Variants in EIF4E1B observed in about 807,000 individuals in gnomAD.
EIF4E1B encodes the protein eukaryotic translation initiation factor 4E family member 1B.
EIF4E1B carries 22 observed loss-of-function variants against 31.3 expected under a neutral mutation model. The observed-to-expected ratio is 0.70, with a 90% confidence interval of 0.50 to 1.00. The LOEUF (loss-of-function observed/expected upper bound fraction) is 1.00, where lower values mean the gene tolerates loss of function less well. Ranked by LOEUF, EIF4E1B falls within the 50% of genes least tolerant of loss-of-function variation. The probability of loss-of-function intolerance (pLI) is 0.00; values close to 1 mark genes in which losing one functional copy is unlikely to be tolerated. For synonymous variants in EIF4E1B, 126 were observed against 120.2 expected, an observed-to-expected ratio of 1.05 and a Z score of -0.31; for missense variants, 290 against 311.6, an observed-to-expected ratio of 0.93 and a Z score of 0.52.
intron 1 of EIF4E1B, among the ~76,000 whole-genome samples, chr5:176,632,470 G>T (rs1328658452): frequency 6.6e-6 from 1 of 152,190 alleles, no homozygotes; most frequent in African/African-American, 2.4e-5. Context: ...TGGCCAGGCT[G>T]GTCTCGAACT....
intron 4 of EIF4E1B, 133 bp downstream of exon 4, chr5:176,643,399 G>T: frequency 8.2e-7 from 1 of 1,220,796 alleles, no homozygotes; most frequent in Non-Finnish European, 1.1e-6. Context: ...GCTGACCTAA[G>T]CCTTGGGCCC....
intron 1 of EIF4E1B, among the ~76,000 whole-genome samples, chr5:176,633,646 C>A (rs1760447160): frequency 6.6e-6 from 1 of 152,088 alleles, no homozygotes; most frequent in Admixed American, 6.6e-5. Context: ...TCCTTATTTG[C>A]TTAAATCACC....
intron 3 of EIF4E1B, 47 bp downstream of exon 3, chr5:176,642,849 T>TCCCCCCCCC: frequency 8.5e-7 from 1 of 1,181,920 alleles, no homozygotes; most frequent in South Asian, 1.7e-5. Context: ...GGCCCCGCCC[T>TCCCCCCCCC]CTCCCCCCCC....
At position 176,638,536 on chromosome 5, in the gene EIF4E1B, G is replaced by A. The variant is rs1193010628; in HGVS notation, c.-201-3507G>A. Among the ~76,000 whole-genome samples the A allele has an allele frequency of 6.6e-6, 1 of 152,222 alleles. No homozygotes were observed. The highest frequency in any genetic ancestry group is 1.5e-5 in the Non-Finnish European group (1 of 68,032). ...AGAGTGTTCTTCTGTAGATAGGGTA[G>A]CAGTCAGGGAAGGCCTCTTTGAGAA... On this transcript the variant is annotated intron_variant, in intron 1 of 8. Transcript: ENST00000318682. The surrounding 1 kb of genome is among the most constrained non-coding windows in gnomAD (Gnocchi z 4.3).
At chr5:176,643,315 C>A (rs769402313) in intron 4 of EIF4E1B, 49 bp downstream of exon 4, 2 of 1,582,474 alleles carry the variant, frequency 1.3e-6, no homozygotes, top group South Asian at 2.3e-5. Context: ...TTCAGGCCAG[C>A]CTCTGTGCTG....
chr5:176,645,004 A>C lies in EIF4E1B; in HGVS notation c.361-126A>C. ...GGGTGGAACCTGCTTGCACTGAGGG[A>C]AGGGAGGATAAGAGAATCTGGCCTA... On this transcript the variant is annotated intron_variant, in intron 6 of 8. Coordinates refer to ENST00000318682, the MANE Select transcript of EIF4E1B (RefSeq NM_001099408.2). This position sits in a 1 kb window ranked among gnomAD's most constrained non-coding sequence, Gnocchi z 5.4. 1.3e-6 allele frequency: 1 copy of C among 792,414 alleles called. No homozygotes were observed. The highest frequency in any genetic ancestry group is 2.0e-6 in the Non-Finnish European group (1 of 492,564). The allele number at this position is 792,414 out of a possible 1,614,324, so 49.1% of individuals were successfully genotyped here.
chr5:176,643,554 G>T lies in EIF4E1B; in HGVS notation c.201-85G>T, dbSNP rs900813044. ...CATCTCCCAGTTCGCCCTTGAAGGG[G>T]AGGGTCCTCCCTGTCAGTCCAGGTG... On this transcript the variant is annotated intron_variant, in intron 4 of 8. Coordinates refer to ENST00000318682, the MANE Select transcript of EIF4E1B (RefSeq NM_001099408.2). 6.0e-6 allele frequency: 8 copies of T among 1,333,604 alleles called. No homozygotes were observed. In the Admixed American group the frequency reaches 1.4e-4, roughly 24 times the overall value. 82.6% of individuals were successfully genotyped at this position (1,333,604 alleles called of 1,614,324 possible). A position where few individuals can be genotyped will look rare whatever the true frequency, so the allele number is the denominator to read the frequency against.
rs1760620391 is a variant in EIF4E1B at position 176,643,145 on chromosome 5, GAGAGGA to G, written c.80_85del (p.Glu27_Thr29delinsAla). 1 of 1,613,922 alleles carries G rather than the reference GAGAGGA, an allele frequency of 6.2e-7. No homozygotes were observed. Among genetic ancestry groups the G allele is most frequent in the African/African-American group, 1.3e-5 (1 of 75,042 alleles). On this transcript the variant is annotated inframe_deletion, in exon 4 of 9. Coordinates refer to ENST00000318682, the MANE Select transcript of EIF4E1B (RefSeq NM_001099408.2). ...GGAGGAGAAGGAGGAGGAGGCAGCA[GAGAGGA>G]CGCCCACAGGAGAAAAGTCTCCAAA...
intron 6 of EIF4E1B, chr5:176,644,727 T>C (rs909435821): frequency 1.7e-5 from 9 of 514,424 alleles, no homozygotes; most frequent in East Asian, 3.3e-5. Context: ...AGGACACTCA[T>C]TGATGCCACA....
chr5:176,633,392 C>T (rs750765618), intron 1 of EIF4E1B, among the ~76,000 whole-genome samples: 5 of 152,140 alleles, frequency 3.3e-5, no homozygotes, highest in Non-Finnish European at 5.9e-5. Flanking sequence ...TGCCACCATG[C>T]CAGGCTAATT....
chr5:176,631,962 G>A (rs1014150579), intron 1 of EIF4E1B, among the ~76,000 whole-genome samples: 1 of 152,162 alleles, frequency 6.6e-6, no homozygotes, highest in African/African-American at 2.4e-5. Flanking sequence ...CATCCACCCA[G>A]TGCAATGCCA....
At chr5:176,644,913 A>G (rs1311523819) in intron 6 of EIF4E1B, among the ~76,000 whole-genome samples, 1 of 152,130 alleles carries the variant, frequency 6.6e-6, no homozygotes, top group Non-Finnish European at 1.5e-5. Flanking sequence ...AGTAAAAGAG[A>G]CATGCACATA....
At chr5:176,636,370 T>C (rs1760493007) in intron 1 of EIF4E1B, among the ~76,000 whole-genome samples, 1 of 152,264 alleles carries the variant, frequency 6.6e-6, no homozygotes, top group Non-Finnish European at 1.5e-5. Context: ...AATGGGCCTT[T>C]CCATTCTTTT....
chr5:176,644,461 C>G (rs754208892), intron 6 of EIF4E1B, 22 bp downstream of exon 6: 5 of 1,586,124 alleles, frequency 3.2e-6, no homozygotes, highest in Admixed American at 3.6e-5. Flanking sequence ...TCTCCTCTTT[C>G]CCTCCCGCAA....
chr5:176,642,845 G>GCC (rs1760603969), intron 3 of EIF4E1B, 43 bp downstream of exon 3: 2 of 1,337,126 alleles, frequency 1.5e-6, no homozygotes, highest in East Asian at 3.0e-5. Context: ...CCATGGCCCC[G>GCC]CCCTCTCCCC....
rs1321279834 is a variant in EIF4E1B, at chr5:176,645,256, A to G, written c.474+13A>G. On this transcript the variant is annotated intron_variant, in intron 7 of 8. Transcript: ENST00000318682. The surrounding 1 kb of genome is among the most constrained non-coding windows in gnomAD (Gnocchi z 5.4). ...GTGGCTGGAGACGGTGAGTTGGAGG[A>G]GGAGGGTCCTCAGGGGAAGAGACGG... 3.7e-6 allele frequency: 6 copies of G among 1,603,776 alleles called. No homozygotes were observed. Among genetic ancestry groups the G allele is most frequent in the Non-Finnish European group, 5.1e-6 (6 of 1,175,130 alleles).
intron 1 of EIF4E1B, among the ~76,000 whole-genome samples, chr5:176,634,104 T>G (rs1760454516): frequency 6.8e-6 from 1 of 147,560 alleles, no homozygotes. Context: ...ATGGGGTGAG[T>G]GATGTTGCTG....
At chr5:176,635,834 T>G (rs1760483033) in intron 1 of EIF4E1B, among the ~76,000 whole-genome samples, 1 of 152,140 alleles carries the variant, frequency 6.6e-6, no homozygotes. Flanking sequence ...CCTTTTTTTT[T>G]GAGACGGAGT....
Position 176,642,783 on chromosome 5 carries a change from A to G in EIF4E1B, c.-5A>G, listed in dbSNP as rs2113445671. The G allele has an allele frequency of 6.4e-7, 1 of 1,562,054 alleles. No individual in the cohort carries two copies. Among genetic ancestry groups the G allele is most frequent in the Non-Finnish European group, 8.7e-7 (1 of 1,155,404 alleles). ...CCAGGCCTGCACGAAGAAGGCACTC[A>G]CTAAATGCTTGCTGTTGAGGTAATC... On this transcript the variant is annotated 5_prime_UTR_variant, in exon 3 of 9. Transcript: ENST00000318682.
Sources: allele counts gnomAD v4.1 joint callset (sites outside exome capture counted in the v4.1 genomes callset), GRCh38; gene constraint gnomAD v4.1.1; non-coding constraint Gnocchi (gnomAD v3.1); transcripts MANE v1.5; gene names NCBI Gene and HGNC (gene_info 2026-07-23, HGNC 2026-07-21).